The following BCL2A1 variants were observed in gnomAD, a reference collection of about 807,000 sequenced individuals.
The protein encoded by BCL2A1 is bcl-2-related protein A1.
A neutral mutation model predicts 14.4 loss-of-function variants in BCL2A1; 10 were observed. That is an observed-to-expected ratio of 0.69 (90% confidence interval 0.43 to 1.18). The LOEUF (loss-of-function observed/expected upper bound fraction) is 1.18. Ranked by LOEUF, BCL2A1 falls within the 50% of genes most tolerant of loss-of-function variation. The pLI is 0.00. For missense variants in BCL2A1, 158 were observed against 205.0 expected, an observed-to-expected ratio of 0.77 and a Z score of 1.40; for synonymous variants, 71 against 76.5, an observed-to-expected ratio of 0.93 and a Z score of 0.38.
Position 79,971,149 on chromosome 15 carries a change from G to C in BCL2A1, c.-30C>G. The C allele has an allele frequency of 6.2e-7, 1 of 1,600,952 alleles. No homozygotes were observed. The highest frequency in any genetic ancestry group is 8.5e-7 in the Non-Finnish European group (1 of 1,172,014). The stretch of plus-strand genomic sequence containing the variant: ...TGCCTGGTGGAGAGCAAAGTCTTGA[G>C]CTGGCTCACCTTGAAGCTGTTGAGG... On this transcript the variant is annotated 5_prime_UTR_variant, in exon 1 of 2. Coordinates refer to ENST00000267953, the MANE Select transcript of BCL2A1 (RefSeq NM_004049.4).
At chr15:79,966,610 A>T (rs1261358017) in intron 1 of BCL2A1, among the ~76,000 whole-genome samples, 1 of 152,240 alleles carries the variant, frequency 6.6e-6, no homozygotes, top group Admixed American at 6.5e-5. Context: ...CATCTCATGA[A>T]CATTCTAATG....
Position 79,971,172 on chromosome 15 carries a change from A to G in BCL2A1, c.-53T>C. 1 of 1,563,026 alleles carries G rather than the reference A, an allele frequency of 6.4e-7. No homozygotes were observed. Among genetic ancestry groups the G allele is most frequent in the Middle Eastern group, 2.2e-4 (1 of 4,644 alleles). On this transcript the variant is annotated 5_prime_UTR_variant, in exon 1 of 2. Transcript: ENST00000267953. ...GAGCTGGCTCACCTTGAAGCTGTTG[A>G]GGCAATGTGCTGAGAATGCTCACTG...
At chr15:79,961,228 G>A in intron 1 of BCL2A1, 54 bp from the exon 2 acceptor site, 1 of 1,520,004 alleles carries the variant, frequency 6.6e-7, no homozygotes, top group Non-Finnish European at 9.0e-7. Flanking sequence ...AAGTATGCTG[G>A]AATAAAAAGC....
At chr15:79,962,088 A>G (rs1273422700) in intron 1 of BCL2A1, among the ~76,000 whole-genome samples, 1 of 152,208 alleles carries the variant, frequency 6.6e-6, no homozygotes, top group Non-Finnish European at 1.5e-5. Context: ...TCAAATGGTC[A>G]TCTGGCAAAC....
At chr15:79,961,295 G>A (rs527948805) in intron 1 of BCL2A1, 121 bp from the exon 2 acceptor site, 1 of 910,706 alleles carries the variant, frequency 1.1e-6, no homozygotes, top group Non-Finnish European at 1.6e-6. Flanking sequence ...TTCTACCCCT[G>A]TTAAGCAGCA....
intron 1 of BCL2A1, among the ~76,000 whole-genome samples, chr15:79,965,497 A>G (rs909531474): frequency 1.3e-5 from 2 of 152,144 alleles, no homozygotes; most frequent in Non-Finnish European, 2.9e-5. Context: ...GGATGGAACC[A>G]TGGAGTCTGG....
chr15:79,962,708 C>T (rs527327347), intron 1 of BCL2A1, among the ~76,000 whole-genome samples: 6 of 151,814 alleles, frequency 4.0e-5, no homozygotes, highest in Admixed American at 6.6e-5. Context: ...CCACCATGCC[C>T]GGCTAATTTT....
chr15:79,963,249 A>C (rs1409078998), intron 1 of BCL2A1, among the ~76,000 whole-genome samples: 1 of 152,098 alleles, frequency 6.6e-6, no homozygotes, highest in Non-Finnish European at 1.5e-5. Flanking sequence ...CGGCCTCCCA[A>C]AGTGCTGGGG....
chr15:79,966,593 T>C (rs1436987338), intron 1 of BCL2A1, among the ~76,000 whole-genome samples: 3 of 152,222 alleles, frequency 2.0e-5, no homozygotes, highest in Admixed American at 6.5e-5. Context: ...AGAAGAGACA[T>C]GAGTTTCATC....
chr15:79,961,788 C>T (rs2035493121), intron 1 of BCL2A1, among the ~76,000 whole-genome samples: 1 of 152,168 alleles, frequency 6.6e-6, no homozygotes, highest in South Asian at 2.1e-4. Context: ...TGTGATCAGA[C>T]ATAGTTTTAA....
chr15:79,961,148 T>C lies in BCL2A1; in HGVS notation c.447A>G (p.Glu149=), dbSNP rs772607798. ...GAAAAGTCATCCAGCCAGATTTAGG[T>C]TCAAACTTCTTTACAAAGCCATTTT... ...GWENGFVKKF[E]PKSGWMTFLE... The change falls in exon 2 of 2, where the codon GAA becomes GAG. Residue 149 remains glutamate (E), a synonymous_variant. Transcript: ENST00000267953. The C allele has an allele frequency of 1.9e-6, 3 of 1,614,022 alleles. No individual in the cohort carries two copies. The highest frequency in any genetic ancestry group is 3.3e-5 in the Admixed American group (2 of 60,020).
intron 1 of BCL2A1, among the ~76,000 whole-genome samples, chr15:79,966,853 A>T (rs2035546260): frequency 6.6e-6 from 1 of 151,848 alleles, no homozygotes; most frequent in South Asian, 2.1e-4. Context: ...AAGGAAAGAC[A>T]ACTGACAAAA....
chr15:79,970,720 T>C lies in BCL2A1; in HGVS notation c.400A>G (p.Ile134Val), dbSNP rs760359019. The change falls in exon 1 of 2, where the codon ATA becomes GTA. Residue 134 changes from isoleucine to valine, a missense_variant. Transcript: ENST00000267953. ...EFIMNNTGEW[I>V]RQNGGWENGF... ...CATACCCAGCCTCCGTTTTGCCTTA[T>C]CCATTCTCCTGTGTTATTCATTATG... is the stretch of plus-strand genomic sequence containing the variant. 1 of 1,606,288 alleles carries C rather than the reference T, an allele frequency of 6.2e-7. No individual in the cohort carries two copies. Among genetic ancestry groups the C allele is most frequent in the South Asian group, 1.1e-5 (1 of 90,698 alleles).
At chr15:79,963,302 A>G (rs1224331180) in intron 1 of BCL2A1, among the ~76,000 whole-genome samples, 1 of 152,124 alleles carries the variant, frequency 6.6e-6, no homozygotes, top group Non-Finnish European at 1.5e-5. Context: ...ATTTTTTTAA[A>G]CTATGAAAAA....
chr15:79,969,866 G>A (rs1187620396), intron 1 of BCL2A1, among the ~76,000 whole-genome samples: 1 of 152,086 alleles, frequency 6.6e-6, no homozygotes, highest in East Asian at 1.9e-4. Flanking sequence ...AGAGGTGAAG[G>A]CCGTTGGAGA....
In BCL2A1 at chr15:79,961,179, A is replaced by G. The variant is rs1254525944; in HGVS notation, c.421-5T>C. Reference sequence around the variant, plus strand: ...CTTCTTTACAAAGCCATTTTCCTATAAAAGAATAAATTTAACACTTTAAAC... The same window carrying G: ...CTTCTTTACAAAGCCATTTTCCTATGAAAGAATAAATTTAACACTTTAAAC... On this transcript the variant is annotated splice_polypyrimidine_tract_variant and splice_region_variant and intron_variant, in intron 1 of 1. Coordinates refer to ENST00000267953, the MANE Select transcript of BCL2A1 (RefSeq NM_004049.4). 1.9e-6 allele frequency: 3 copies of G among 1,610,798 alleles called. No individual in the cohort carries two copies. Among genetic ancestry groups the G allele is most frequent in the Non-Finnish European group, 2.5e-6 (3 of 1,177,410 alleles).
intron 1 of BCL2A1, among the ~76,000 whole-genome samples, chr15:79,964,505 A>G (rs931707329): frequency 1.3e-5 from 2 of 152,090 alleles, no homozygotes; most frequent in African/African-American, 2.4e-5. Flanking sequence ...CGCAAACACC[A>G]TTATGTTACT....
chr15:79,966,404 T>C (rs964566815), intron 1 of BCL2A1, among the ~76,000 whole-genome samples: 10 of 152,222 alleles, frequency 6.6e-5, no homozygotes, highest in African/African-American at 2.4e-4. Flanking sequence ...CAAATATTGT[T>C]ACCTTCTATG....
chr15:79,963,146 C>T (rs1306948619), intron 1 of BCL2A1, among the ~76,000 whole-genome samples: 1 of 151,870 alleles, frequency 6.6e-6, no homozygotes. Context: ...CACGCCACCA[C>T]ACCCAGCTAA....
Sources: gnomAD v4.1 joint callset for allele counts (sites outside exome capture counted in the v4.1 genomes callset) on GRCh38, gnomAD v4.1.1 for gene constraint, MANE v1.5 for transcripts, NCBI Gene and HGNC (gene_info 2026-07-23, HGNC 2026-07-21) for gene names.